Variants in ANXA6 observed in about 807,000 individuals in gnomAD.
ANXA6 encodes 67 kDa calelectrin.
Under a neutral mutation model 95.4 loss-of-function variants are expected in ANXA6, and 71 were observed. The observed-to-expected ratio is 0.74, with a 90% CI of 0.61 to 0.91. The LOEUF (loss-of-function observed/expected upper bound fraction) is 0.91, where lower values mean the gene tolerates loss of function less well. Among genes scored for constraint, ANXA6 ranks in the 40% least tolerant of loss-of-function variants. The probability of loss-of-function intolerance (pLI) is 0.00; values close to 1 mark genes in which losing one functional copy is unlikely to be tolerated. For synonymous variants in ANXA6, 289 were observed against 315.9 expected (o/e 0.91, Z 0.90); for missense variants, 830 against 876.4 (o/e 0.95, Z 0.67).
chr5:151,101,495 C>A lies in ANXA6; in HGVS notation c.1975G>T (p.Gly659Ter). The change falls in exon 26 of 26, where the codon GGA becomes TGA. Residue 659 changes from glycine (G) to a stop codon, truncating the protein, a stop_gained. Transcript: ENST00000354546. LOFTEE classifies it high-confidence loss of function. ...GCCAGCAAGGCCTTCAGGAAGTCTC[C>A]GGAGGTGTCACCCTGGCAGAGGCAG... ...LHQAIEGDTS[G>*]DFLKALLALC... The A allele has an allele frequency of 6.4e-7, 1 of 1,560,734 alleles. No individual in the cohort carries two copies. Among genetic ancestry groups the A allele is most frequent in the East Asian group, 2.4e-5 (1 of 41,468 alleles).
rs1561563581 is a variant in ANXA6 at position 151,105,302 on chromosome 5, A to G, written c.1782T>C (p.Val594=). The G allele has an allele frequency of 5.0e-6, 8 of 1,613,788 alleles. No homozygotes were observed. The highest frequency in any genetic ancestry group is 3.3e-5 in the Admixed American group (2 of 59,990). The change falls in exon 24 of 26, where the codon GTT becomes GTC. Residue 594 remains valine, a splice_region_variant and synonymous_variant. Coordinates refer to ENST00000354546, the MANE Select transcript of ANXA6 (RefSeq NM_001155.5). ...AGAGAGGCTTGTTCTTGACACTTTG[A>G]ACTGGTAGGAAGAGCAGAGAGATGC... ...GDVRDAFVAI[V]QSVKNKPLFF... is the part of the protein sequence containing the mutation.
chr5:151,119,898 G>A (rs1765115570), intron 17 of ANXA6, among the ~76,000 whole-genome samples: 1 of 151,762 alleles, frequency 6.6e-6, no homozygotes, highest in Admixed American at 6.6e-5. Flanking sequence ...TTTTTCTTTT[G>A]AGACAGAGTC....
intron 9 of ANXA6, 50 bp downstream of exon 9, chr5:151,133,044 T>G: frequency 1.5e-6 from 2 of 1,309,656 alleles, no homozygotes; most frequent in Non-Finnish European, 2.2e-6. Flanking sequence ...AAGAAAGGCA[T>G]TATTGGCATC....
At position 151,147,916 on chromosome 5, in the gene ANXA6, A is replaced by G. The variant is rs745722397; in HGVS notation, c.-15T>C. The G allele has an allele frequency of 4.4e-6, 7 of 1,605,418 alleles. No individual in the cohort carries two copies. In the South Asian group the frequency reaches 4.5e-5, roughly 10 times the overall value. On this transcript the variant is annotated 5_prime_UTR_variant, in exon 2 of 26. Transcript: ENST00000354546. ...GGTTTGGCCATGGTCTCCGGTTCGC[A>G]GCAGAATCCACTGTAGAGAAGAAAG...
At chr5:151,104,553 A>G (rs1764642490) in intron 24 of ANXA6, among the ~76,000 whole-genome samples, 1 of 152,234 alleles carries the variant, frequency 6.6e-6, no homozygotes, top group Admixed American at 6.5e-5. Flanking sequence ...AGCTGTGGTC[A>G]GAGAGATGAA....
chr5:151,153,101 C>G (rs1766146957), intron 1 of ANXA6, among the ~76,000 whole-genome samples: 1 of 152,212 alleles, frequency 6.6e-6, no homozygotes, highest in Admixed American at 6.5e-5. Flanking sequence ...TACTGGGCCT[C>G]TAAGCTCAGC....
intron 23 of ANXA6, among the ~76,000 whole-genome samples, chr5:151,105,743 A>C (rs1446658262): frequency 1.3e-5 from 2 of 152,202 alleles, no homozygotes; most frequent in East Asian, 3.8e-4. Flanking sequence ...CAACAACATT[A>C]GCATCACTTG....
chr5:151,137,640 G>A (rs1219095417), intron 5 of ANXA6, among the ~76,000 whole-genome samples: 10 of 152,088 alleles, frequency 6.6e-5, no homozygotes, highest in Non-Finnish European at 1.2e-4. Flanking sequence ...TCTCACGATC[G>A]TAAGTTCTTG....
intron 24 of ANXA6, 131 bp from the exon 25 acceptor site, chr5:151,103,823 T>A: frequency 8.5e-7 from 1 of 1,178,644 alleles, no homozygotes; most frequent in Non-Finnish European, 1.1e-6. Context: ...TCCACCTCTG[T>A]CTTCTGCAAA....
Position 151,124,511 on chromosome 5 carries a change from CAGCAGACAGACCCT to C in ANXA6, c.1057-158_1057-145del. ...GGGGAAAGAGGCAGAGGTGAAGCCACAGCAGACAGACCCTGCACGAGAGCTGAGAGAGAGAGAGA... is the reference window on the plus strand; with the variant it reads ...GGGGAAAGAGGCAGAGGTGAAGCCACGCACGAGAGCTGAGAGAGAGAGAGA... On this transcript the variant is annotated intron_variant, in intron 14 of 25. Transcript: ENST00000354546. The C allele has an allele frequency of 2.1e-5, 14 of 679,352 alleles. No individual in the cohort carries two copies. In the South Asian group the frequency reaches 2.2e-4, roughly 11 times the overall value. The allele number at this position is 679,352 out of a possible 1,614,324, so 42.1% of individuals were successfully genotyped here.
rs1195811248 is a variant in ANXA6 at position 151,132,535 on chromosome 5, A to G, written c.677T>C (p.Ile226Thr). Residue 226 changes from isoleucine (I) to threonine (T), a missense_variant, in exon 10 of 26, where the codon ATT becomes ACT. By Grantham distance (89) the Ile-to-Thr change is moderately conservative. Transcript: ENST00000354546. ...CAGCTCCCCTCGGATGCTGGCTTCA[A>G]TCGGCTTCCCTGTGGTCTTCAGATA... ...DEYLKTTGKP[I>T]EASIRGELSG... 1.2e-6 allele frequency: 2 copies of G among 1,613,376 alleles called. No homozygotes were observed. The highest frequency in any genetic ancestry group is 1.3e-5 in the African/African-American group (1 of 74,896).
chr5:151,100,813 C>T lies in ANXA6; in HGVS notation c.*635G>A. ...AGGAAGTTAATGTTAGAAGGGAAGC[C>T]AAGATTTTTTTGTCCAACTGTCTCA... On this transcript the variant is annotated 3_prime_UTR_variant, in exon 26 of 26. Coordinates refer to ENST00000354546, the MANE Select transcript of ANXA6 (RefSeq NM_001155.5). The T allele has an allele frequency of 2.2e-6, 1 of 448,418 alleles. No individual in the cohort carries two copies. The highest frequency in any genetic ancestry group is 4.5e-6 in the Non-Finnish European group (1 of 221,384). 27.8% of individuals were successfully genotyped at this position (448,418 alleles called of 1,614,324 possible).
chr5:151,135,326 T>C (rs1325750966), intron 7 of ANXA6, among the ~76,000 whole-genome samples: 1 of 152,128 alleles, frequency 6.6e-6, no homozygotes, highest in African/African-American at 2.4e-5. Flanking sequence ...AGGACACTCC[T>C]CTCCAGAACA....
rs770675955 is a variant in ANXA6 at position 151,132,534 on chromosome 5, A to G, written c.678T>C (p.Ile226=). The G allele has an allele frequency of 6.2e-7, 1 of 1,613,552 alleles. No individual in the cohort carries two copies. The highest frequency in any genetic ancestry group is 1.7e-5 in the Admixed American group (1 of 59,986). Residue 226 remains isoleucine, a synonymous_variant, in exon 10 of 26, where the codon ATT becomes ATC. Transcript: ENST00000354546. ...ACAGCTCCCCTCGGATGCTGGCTTC[A>G]ATCGGCTTCCCTGTGGTCTTCAGAT... ...DEYLKTTGKP[I]EASIRGELSG...
At chr5:151,122,649 C>T (rs1040638164) in intron 16 of ANXA6, among the ~76,000 whole-genome samples, 1 of 152,230 alleles carries the variant, frequency 6.6e-6, no homozygotes, top group Non-Finnish European at 1.5e-5. Flanking sequence ...CTGAAAACAA[C>T]TCATAGCCCT....
chr5:151,141,523 C>G (rs776647136), intron 2 of ANXA6: 1 of 985,392 alleles, frequency 1.0e-6, no homozygotes, highest in African/African-American at 1.7e-5. Context: ...GTGGGCCACA[C>G]AGATCTTGCC....
intron 16 of ANXA6, 150 bp from the exon 17 acceptor site, chr5:151,122,410 G>C (rs1021034161): frequency 3.4e-6 from 2 of 594,440 alleles, no homozygotes; most frequent in Non-Finnish European, 5.8e-6. Flanking sequence ...TTATTATTTA[G>C]ATGAAGCCAA....
At chr5:151,122,789 T>C in intron 16 of ANXA6, 128 bp downstream of exon 16, 3 of 759,350 alleles carry the variant, frequency 4.0e-6, no homozygotes, top group Non-Finnish European at 6.7e-6. Flanking sequence ...TGAGATCATA[T>C]GACCACACAG....
chr5:151,105,172 T>G, intron 24 of ANXA6, 73 bp downstream of exon 24: 1 of 1,366,810 alleles, frequency 7.3e-7, no homozygotes. Context: ...TGGGGGATGG[T>G]GCACATCTGT....
Sources: allele counts gnomAD v4.1 joint callset (sites outside exome capture counted in the v4.1 genomes callset), GRCh38; gene constraint gnomAD v4.1.1; transcripts MANE v1.5; gene names NCBI Gene and HGNC (gene_info 2026-07-23, HGNC 2026-07-21).